SNTB1: variants seen among roughly 807,000 people sequenced by gnomAD.
The protein encoded by SNTB1 is beta-1-syntrophin.
Under a neutral mutation model 48.9 loss-of-function variants are expected in SNTB1, and 36 were observed. That is an observed-to-expected ratio of 0.74 (90% CI 0.56 to 0.97). The LOEUF is 0.97. Among genes scored for constraint, SNTB1 ranks in the 50% least tolerant of loss-of-function variants. SNTB1 has a pLI of 0.00. For missense variants in SNTB1, 786 were observed against 703.4 expected (o/e 1.12, Z -1.33); for synonymous variants, 299 against 294.6 (o/e 1.01, Z -0.15).
At chr8:120,659,423 G>A (rs750257501) in intron 2 of SNTB1, among the ~76,000 whole-genome samples, 16 of 151,916 alleles carry the variant, frequency 1.1e-4, no homozygotes, top group Admixed American at 2.6e-4. Context: ...GCAAAAATTC[G>A]GTCACATCTT....
intron 2 of SNTB1, among the ~76,000 whole-genome samples, chr8:120,638,938 T>C (rs1817134712): frequency 6.6e-6 from 1 of 152,250 alleles, no homozygotes; most frequent in South Asian, 2.1e-4. Flanking sequence ...GATGGATTTC[T>C]AGTTCTAGAT....
At chr8:120,712,431 A>AG (rs1206811657) in intron 1 of SNTB1, among the ~76,000 whole-genome samples, 103 of 151,746 alleles carry the variant, frequency 6.8e-4, no homozygotes, top group African/African-American at 2.1e-3. Context: ...AAAAAAAAAA[A>AG]AAGAAGAAAT....
chr8:120,673,521 C>T (rs924844700), intron 2 of SNTB1, among the ~76,000 whole-genome samples: 1 of 152,066 alleles, frequency 6.6e-6, no homozygotes, highest in Non-Finnish European at 1.5e-5. Context: ...AAGCTCCTGA[C>T]CTCAGGTGAT....
chr8:120,659,952 A>G (rs1243695502), intron 2 of SNTB1, among the ~76,000 whole-genome samples: 1 of 152,242 alleles, frequency 6.6e-6, no homozygotes, highest in Admixed American at 6.5e-5. Context: ...TAATATTTTG[A>G]AAGGGATCTT....
At chr8:120,587,562 T>G (rs1816168196) in intron 3 of SNTB1, among the ~76,000 whole-genome samples, 1 of 152,206 alleles carries the variant, frequency 6.6e-6, no homozygotes, top group Non-Finnish European at 1.5e-5. Flanking sequence ...TACAGTGGTG[T>G]TCAACAGATT....
chr8:120,765,282 T>C (rs575113796), intron 1 of SNTB1, among the ~76,000 whole-genome samples: 1 of 152,236 alleles, frequency 6.6e-6, no homozygotes, highest in East Asian at 1.9e-4. Context: ...TCTGTCTTCC[T>C]TATAGGGAGT....
At chr8:120,552,843 T>C (rs778836213) in intron 4 of SNTB1, among the ~76,000 whole-genome samples, 6 of 152,048 alleles carry the variant, frequency 3.9e-5, no homozygotes, top group African/African-American at 9.7e-5. Flanking sequence ...CTCACCATAA[T>C]GTAGAATCAG....
intron 5 of SNTB1, among the ~76,000 whole-genome samples, chr8:120,548,053 C>T (rs576529488): frequency 1.3e-5 from 2 of 152,236 alleles, no homozygotes; most frequent in Admixed American, 1.3e-4. Flanking sequence ...TAGCTTGGTT[C>T]CCTCCTCCTT....
chr8:120,679,851 C>A (rs112254470), intron 2 of SNTB1, among the ~76,000 whole-genome samples: 3 of 117,434 alleles, frequency 2.6e-5, no homozygotes, highest in Admixed American at 1.6e-4. Context: ...AGACTCATCT[C>A]TTGAGATATT....
rs190151385 is a variant in SNTB1, at chr8:120,624,237, C to T, written c.996+8207G>A. ...ACAGGCATGAACCACCGCACCTGCC[C>T]GACTAGGTAATTTATAAAGGAAAGA... On this transcript the variant is annotated intron_variant, in intron 3 of 6. Coordinates refer to ENST00000517992, the MANE Select transcript of SNTB1 (RefSeq NM_021021.4). Among the ~76,000 whole-genome samples the T allele has an allele frequency of 7.2e-5, 11 of 152,186 alleles. 1 individual carries two copies. The highest frequency in any genetic ancestry group is 9.6e-5 in the African/African-American group (4 of 41,520).
chr8:120,542,129 T>G, intron 5 of SNTB1, 129 bp from the exon 6 acceptor site: 1 of 626,816 alleles, frequency 1.6e-6, no homozygotes, highest in Non-Finnish European at 2.7e-6. Flanking sequence ...AATAAAAATA[T>G]AGTCATTGTT....
At chr8:120,712,439 A>AAT (rs1315780368) in intron 1 of SNTB1, among the ~76,000 whole-genome samples, 1 of 151,688 alleles carries the variant, frequency 6.6e-6, no homozygotes, top group African/African-American at 2.4e-5. Flanking sequence ...AAAAAGAAGA[A>AAT]ATATATGACA....
chr8:120,636,597 A>G (rs1817083115), intron 2 of SNTB1, among the ~76,000 whole-genome samples: 1 of 148,556 alleles, frequency 6.7e-6, no homozygotes, highest in African/African-American at 2.5e-5. Context: ...GCTGCATAGT[A>G]TTCCATGGTG....
At chr8:120,744,044 C>A (rs752357368) in intron 1 of SNTB1, among the ~76,000 whole-genome samples, 1 of 151,632 alleles carries the variant, frequency 6.6e-6, no homozygotes, top group Non-Finnish European at 1.5e-5. Flanking sequence ...GCAGGAGGAT[C>A]GCTTGAGCCT....
chr8:120,596,048 C>A (rs763374067), intron 3 of SNTB1, among the ~76,000 whole-genome samples: 2 of 152,140 alleles, frequency 1.3e-5, no homozygotes, highest in Non-Finnish European at 2.9e-5. Context: ...CAATGACATA[C>A]GTTCAATGCC....
chr8:120,576,260 A>C (rs1013626167), intron 3 of SNTB1, among the ~76,000 whole-genome samples: 2 of 152,260 alleles, frequency 1.3e-5, no homozygotes, highest in African/African-American at 4.8e-5. Flanking sequence ...GACAACTATC[A>C]AAGATTTAAT....
chr8:120,626,182 A>C (rs1007359009), intron 3 of SNTB1, among the ~76,000 whole-genome samples: 1 of 152,192 alleles, frequency 6.6e-6, no homozygotes, highest in African/African-American at 2.4e-5. Flanking sequence ...GTGATCTAAC[A>C]AATTATGTAA....
intron 1 of SNTB1, among the ~76,000 whole-genome samples, chr8:120,792,895 G>T (rs1268824492): frequency 6.6e-6 from 1 of 151,856 alleles, no homozygotes; most frequent in Non-Finnish European, 1.5e-5. Flanking sequence ...TTGTTACTAA[G>T]ATTGAAGTGT....
At chr8:120,692,363 C>T (rs1818142911) in intron 2 of SNTB1, among the ~76,000 whole-genome samples, 1 of 152,106 alleles carries the variant, frequency 6.6e-6, no homozygotes. Flanking sequence ...TGCAGCTGTC[C>T]CACACACATT....
Sources: gnomAD v4.1 joint callset for allele counts (sites outside exome capture counted in the v4.1 genomes callset) on GRCh38, gnomAD v4.1.1 for gene constraint, MANE v1.5 for transcripts, NCBI Gene and HGNC (gene_info 2026-07-23, HGNC 2026-07-21) for gene names.